The following ZNF827 variants were observed in gnomAD, a reference collection of about 807,000 sequenced individuals.
ZNF827 encodes the protein zinc finger protein 827.
In ZNF827, 13 loss-of-function variants were observed where a neutral mutation model predicts 102.4. The ratio of observed to expected loss-of-function variants is 0.13; its 90% CI spans 0.08 to 0.20. The LOEUF is 0.20. ZNF827 is among the 10% of genes least tolerant of loss of function. ZNF827 has a pLI of 1.00. For missense variants in ZNF827, 1,103 were observed against 1,344.4 expected, an observed-to-expected ratio of 0.82 and a Z score of 2.81; for synonymous variants, 523 against 536.2, an observed-to-expected ratio of 0.98 and a Z score of 0.34.
chr4:145,874,500 A>C (rs898484932), intron 4 of ZNF827, among the ~76,000 whole-genome samples: 4 of 152,244 alleles, frequency 2.6e-5, no homozygotes, highest in Non-Finnish European at 5.9e-5. Flanking sequence ...AGAACAGTAC[A>C]TAAAGCCTAT....
intron 7 of ZNF827, among the ~76,000 whole-genome samples, chr4:145,827,204 C>T (rs549100192): frequency 2.0e-5 from 3 of 152,290 alleles, no homozygotes; most frequent in East Asian, 3.9e-4. Context: ...CACTCTTTCC[C>T]GCTCAGCTAC....
chr4:145,925,210 A>T (rs1753342743), intron 1 of ZNF827, among the ~76,000 whole-genome samples: 1 of 152,194 alleles, frequency 6.6e-6, no homozygotes, highest in Non-Finnish European at 1.5e-5. Context: ...CCCTGCCATG[A>T]CATGTGGGAA....
In ZNF827 at chr4:145,762,145, G is replaced by A. The variant is rs938591927; in HGVS notation, c.*18-547C>T. On this transcript the variant is annotated intron_variant, in intron 14 of 14. Transcript: ENST00000508784. The surrounding 1 kb of genome is among the most constrained non-coding windows in gnomAD (Gnocchi z 4.9). Reference sequence around the variant, plus strand: ...CAGGGGTCAGAATCGTGCTTATTAAGGGTTTGTTAGGATGAGAAGGCCTGT... The same window carrying A: ...CAGGGGTCAGAATCGTGCTTATTAAAGGTTTGTTAGGATGAGAAGGCCTGT... 1.3e-5 allele frequency among the ~76,000 whole-genome samples: 2 copies of A among 152,192 alleles called. No individual in the cohort carries two copies. The highest frequency in any genetic ancestry group is 2.9e-5 in the Non-Finnish European group (2 of 68,034).
chr4:145,917,735 A>G (rs1398740280), intron 1 of ZNF827, among the ~76,000 whole-genome samples: 22 of 151,484 alleles, frequency 1.5e-4, no homozygotes, highest in Non-Finnish European at 1.0e-4. Context: ...AAGAAAAGAA[A>G]AAACAACATT....
intron 1 of ZNF827, among the ~76,000 whole-genome samples, chr4:145,925,243 T>C (rs1411864711): frequency 1.3e-5 from 2 of 152,058 alleles, no homozygotes; most frequent in Non-Finnish European, 2.9e-5. Context: ...CAATTCAAGA[T>C]GAGATTTGGG....
At chr4:145,764,557 G>A in intron 13 of ZNF827, 1 of 179,628 alleles carries the variant, frequency 5.6e-6, no homozygotes, top group Admixed American at 5.9e-5. Flanking sequence ...ATTTTGGAGG[G>A]TGGGGTGGTT....
intron 8 of ZNF827, among the ~76,000 whole-genome samples, chr4:145,821,675 A>AGCAGG (rs1221812789): frequency 6.6e-6 from 1 of 152,152 alleles, no homozygotes; most frequent in Non-Finnish European, 1.5e-5. Flanking sequence ...ATTATCTTTC[A>AGCAGG]GCAGGGCGAA....
intron 7 of ZNF827, among the ~76,000 whole-genome samples, chr4:145,829,361 C>G (rs1396849920): frequency 6.6e-6 from 1 of 152,056 alleles, no homozygotes; most frequent in Non-Finnish European, 1.5e-5. Flanking sequence ...TGACTTCTAT[C>G]TGCACAGAGA....
chr4:145,879,462 T>C (rs965321161), intron 4 of ZNF827, among the ~76,000 whole-genome samples: 4 of 152,054 alleles, frequency 2.6e-5, no homozygotes, highest in Non-Finnish European at 5.9e-5. Context: ...ACAGATACAA[T>C]AGGCTTTGGT....
At chr4:145,783,899 G>C (rs1218025666) in intron 8 of ZNF827, among the ~76,000 whole-genome samples, 2 of 152,170 alleles carry the variant, frequency 1.3e-5, no homozygotes, top group Non-Finnish European at 2.9e-5. Context: ...TATTGGAGGT[G>C]GGGCCTTGTG....
chr4:145,907,921 G>A (rs557108806), intron 1 of ZNF827, among the ~76,000 whole-genome samples: 5 of 152,208 alleles, frequency 3.3e-5, no homozygotes, highest in African/African-American at 1.2e-4. Flanking sequence ...TCCATGTGGC[G>A]AATATTTCTC....
chr4:145,872,516 A>T lies in ZNF827; in HGVS notation c.1748-2038T>A, dbSNP rs1001273595. Reference sequence around the variant, plus strand: ...TTATTTAAGTCATCCAGTCTGTGGCATTTTGTTACGCGGTATTTAGTTTAA... The same window carrying T: ...TTATTTAAGTCATCCAGTCTGTGGCTTTTTGTTACGCGGTATTTAGTTTAA... On this transcript the variant is annotated intron_variant, in intron 4 of 14. Transcript: ENST00000508784. Among the ~76,000 whole-genome samples the T allele has an allele frequency of 2.0e-5, 3 of 152,240 alleles. No homozygotes were observed. The South Asian group carries it at 6.2e-4, about 32-fold the overall frequency.
intron 1 of ZNF827, among the ~76,000 whole-genome samples, chr4:145,928,899 A>C (rs1363873545): frequency 6.6e-6 from 1 of 152,210 alleles, no homozygotes; most frequent in African/African-American, 2.4e-5. Context: ...ACTGTGGCAG[A>C]CTGACGAGCA....
chr4:145,774,668 G>A lies in ZNF827; in HGVS notation c.2698C>T (p.His900Tyr), dbSNP rs765731862. The change falls in exon 11 of 15, where the codon CAC becomes TAC. Residue 900 changes from histidine to tyrosine, a missense_variant. Physicochemically the swap from His to Tyr is moderately conservative, Grantham distance 83. Around this residue, in one of 5 missense-constraint regions of ZNF827, gnomAD observed 242 missense variants for 361.9 expected, o/e 0.67. Coordinates refer to ENST00000508784, the MANE Select transcript of ZNF827 (RefSeq NM_001306215.2). ...GKKHPYYYSCHVCGFETELNV... is the reference protein window; with the variant it reads ...GKKHPYYYSCYVCGFETELNV... ...AGCTCGGTCTCAAATCCACACACGTGACAACTACATGAAAGGGTAAAAGAA... is the reference window on the plus strand; with the variant it reads ...AGCTCGGTCTCAAATCCACACACGTAACAACTACATGAAAGGGTAAAAGAA... 1 of 1,613,464 alleles carries A rather than the reference G, an allele frequency of 6.2e-7. No homozygotes were observed. Among genetic ancestry groups the A allele is most frequent in the East Asian group, 2.2e-5 (1 of 44,874 alleles).
chr4:145,865,732 C>T (rs1292677632), intron 5 of ZNF827, among the ~76,000 whole-genome samples: 1 of 152,106 alleles, frequency 6.6e-6, no homozygotes, highest in African/African-American at 2.4e-5. Context: ...TATTCCTGGA[C>T]CTTTTGTGGT....
At chr4:145,824,460 G>A (rs538555097) in intron 7 of ZNF827, among the ~76,000 whole-genome samples, 13 of 152,312 alleles carry the variant, frequency 8.5e-5, no homozygotes, top group African/African-American at 2.2e-4. Context: ...GAAGTTCCAG[G>A]GGGTAGTAAC....
chr4:145,795,379 C>T (rs1005410601), intron 8 of ZNF827, among the ~76,000 whole-genome samples: 7 of 152,296 alleles, frequency 4.6e-5, no homozygotes, highest in African/African-American at 1.4e-4. Flanking sequence ...AACTCCTGCC[C>T]TCAAGTGATC....
intron 7 of ZNF827, chr4:145,831,761 G>A (rs1744229342): frequency 1.3e-5 from 2 of 152,240 alleles, no homozygotes; most frequent in South Asian, 4.1e-4. Flanking sequence ...TATCTGGGAT[G>A]TGACTTAAAA....
intron 7 of ZNF827, among the ~76,000 whole-genome samples, chr4:145,837,427 G>A (rs1329672798): frequency 1.3e-5 from 2 of 151,736 alleles, no homozygotes; most frequent in African/African-American, 4.8e-5. Flanking sequence ...TTTTTATTAG[G>A]CCCCAGTCTC....
Sources: allele counts gnomAD v4.1 joint callset (sites outside exome capture counted in the v4.1 genomes callset), GRCh38; gene constraint gnomAD v4.1.1; regional missense constraint gnomAD v4.1.1; non-coding constraint Gnocchi (gnomAD v3.1); transcripts MANE v1.5; gene names NCBI Gene and HGNC (gene_info 2026-07-23, HGNC 2026-07-21).